GLIS3: variants seen among roughly 807,000 people sequenced by gnomAD.
GLIS3 encodes zinc finger protein GLIS3.
GLIS3 carries 53 observed loss-of-function variants against 78.6 expected under a neutral mutation model. The observed-to-expected ratio is 0.67, with a 90% CI of 0.54 to 0.85. GLIS3 has a LOEUF of 0.85. Ranked by LOEUF, GLIS3 falls within the 40% of genes least tolerant of loss-of-function variation. The pLI, the probability that GLIS3 is intolerant of heterozygous loss-of-function variation, is 0.00. For missense variants in GLIS3, 1,703 were observed against 1,231.1 expected (o/e 1.38, Z -5.74); for synonymous variants, 684 against 509.9 (o/e 1.34, Z -4.60).
At chr9:4,210,223 T>A (rs1052695760) in intron 2 of GLIS3, among the ~76,000 whole-genome samples, 1 of 152,230 alleles carries the variant, frequency 6.6e-6, no homozygotes, top group Non-Finnish European at 1.5e-5. Context: ...CATCAGAAAG[T>A]ACCTATTATG....
chr9:4,231,531 A>G (rs1438460780), intron 2 of GLIS3, among the ~76,000 whole-genome samples: 4 of 152,232 alleles, frequency 2.6e-5, no homozygotes, highest in Non-Finnish European at 5.9e-5. Flanking sequence ...AGAAAGCATG[A>G]GCAGGAGAAA....
At chr9:4,020,935 T>C (rs1822834506) in intron 4 of GLIS3, among the ~76,000 whole-genome samples, 1 of 152,094 alleles carries the variant, frequency 6.6e-6, no homozygotes, top group African/African-American at 2.4e-5. Context: ...GTTCCAAAAA[T>C]AGAGCAGCAC....
the GLIS3 span, among the ~76,000 whole-genome samples, chr9:4,474,521 T>C: frequency 1.3e-5 from 2 of 152,144 alleles, no homozygotes; most frequent in Non-Finnish European, 2.9e-5. Flanking sequence ...AAAAAATGAA[T>C]CTTCATCCAT....
At position 4,117,816 on chromosome 9, in the gene GLIS3, C is replaced by G; in HGVS notation, c.1662G>C (p.Leu554=). The G allele has an allele frequency of 6.2e-7, 1 of 1,614,142 alleles. No individual in the cohort carries two copies. The highest frequency in any genetic ancestry group is 8.5e-7 in the Non-Finnish European group (1 of 1,180,020). Residue 554 remains leucine (L), a synonymous_variant, in exon 4 of 11, where the codon CTG becomes CTC. Transcript: ENST00000381971. ...RYKPFNARYK[L]LIHMRVHSGE... Reference sequence around the variant, plus strand: ...CAGAGTGGACTCTCATGTGGATCAGCAGTTTATAGCGGGCGTTGAAGGGCT... The same window carrying G: ...CAGAGTGGACTCTCATGTGGATCAGGAGTTTATAGCGGGCGTTGAAGGGCT...
At chr9:4,250,093 A>C (rs10758585) in intron 2 of GLIS3, among the ~76,000 whole-genome samples, 1 of 152,130 alleles carries the variant, frequency 6.6e-6, no homozygotes, top group African/African-American at 2.4e-5. Context: ...TTTTTGTTGT[A>C]TCTCTGCCAG....
At chr9:3,875,422 T>A (rs140502979) in intron 8 of GLIS3, among the ~76,000 whole-genome samples, 96 of 149,858 alleles carry the variant, frequency 6.4e-4, no homozygotes, top group African/African-American at 2.3e-3. Flanking sequence ...CTTCTGACAG[T>A]GACTCAGCCC....
intron 4 of GLIS3, 140 bp downstream of exon 4, chr9:4,117,624 CCTCA>C: frequency 1.1e-6 from 1 of 892,082 alleles, no homozygotes; most frequent in South Asian, 1.3e-5. Context: ...TCTTCCCCTT[CCTCA>C]AGCTGAAGGG....
intron 8 of GLIS3, among the ~76,000 whole-genome samples, chr9:3,865,605 AAAGTAGAGGTTGC>A (rs1820524351): frequency 6.6e-6 from 1 of 152,230 alleles, no homozygotes; most frequent in Non-Finnish European, 1.5e-5. Flanking sequence ...CTATTGTAAT[AAAGTAGAGGTTGC>A]AAGAAGAGAA....
intron 2 of GLIS3, among the ~76,000 whole-genome samples, chr9:4,196,238 G>C (rs906250819): frequency 6.6e-6 from 1 of 152,204 alleles, no homozygotes; most frequent in African/African-American, 2.4e-5. Context: ...CTCAAGGTTT[G>C]TAAACACACC....
At chr9:4,390,333 C>T in the GLIS3 span, among the ~76,000 whole-genome samples, 3 of 152,066 alleles carry the variant, frequency 2.0e-5, no homozygotes, top group Non-Finnish European at 4.4e-5. Context: ...AGTCTAAACC[C>T]AGATATTGTT....
chr9:4,451,119 A>C, the GLIS3 span, among the ~76,000 whole-genome samples: 6 of 152,228 alleles, frequency 3.9e-5, no homozygotes, highest in Non-Finnish European at 7.3e-5. Flanking sequence ...ATGTGCAGAG[A>C]CATACATAGG....
chr9:4,456,076 C>T, the GLIS3 span, among the ~76,000 whole-genome samples: 2 of 152,010 alleles, frequency 1.3e-5, no homozygotes, highest in Admixed American at 1.3e-4. Flanking sequence ...CCACTGCACT[C>T]CAGCCTGGGC....
intron 2 of GLIS3, among the ~76,000 whole-genome samples, chr9:4,194,046 T>C (rs1185453415): frequency 6.6e-6 from 1 of 152,140 alleles, no homozygotes; most frequent in East Asian, 1.9e-4. Context: ...CGCTTTATTT[T>C]TATTTATTTA....
intron 4 of GLIS3, among the ~76,000 whole-genome samples, chr9:4,042,517 A>G (rs1324445728): frequency 6.6e-6 from 1 of 152,212 alleles, no homozygotes; most frequent in African/African-American, 2.4e-5. Context: ...TGAGTAGAGC[A>G]TAAAACCCCT....
intron 4 of GLIS3, among the ~76,000 whole-genome samples, chr9:4,026,728 T>C (rs931840660): frequency 3.3e-5 from 5 of 152,218 alleles, no homozygotes; most frequent in Admixed American, 1.3e-4. Context: ...TTTTAAGATA[T>C]GCATTAAAGC....
chr9:4,136,533 C>T (rs1326539572), intron 2 of GLIS3, among the ~76,000 whole-genome samples: 1 of 152,116 alleles, frequency 6.6e-6, no homozygotes, highest in African/African-American at 2.4e-5. Flanking sequence ...TCCCAGAAGA[C>T]CAAATAATAT....
At chr9:4,297,452 C>A (rs1816640975) in intron 1 of GLIS3, among the ~76,000 whole-genome samples, 1 of 152,190 alleles carries the variant, frequency 6.6e-6, no homozygotes, top group Non-Finnish European at 1.5e-5. Context: ...CGGCCCCATA[C>A]TAAAGGGACC....
chr9:4,129,430 G>T (rs1190749463), intron 2 of GLIS3, among the ~76,000 whole-genome samples: 1 of 152,162 alleles, frequency 6.6e-6, no homozygotes, highest in African/African-American at 2.4e-5. Context: ...CCAGTAGAAG[G>T]TGATTGGATC....
chr9:4,382,964 C>T, the GLIS3 span, among the ~76,000 whole-genome samples: 1 of 152,188 alleles, frequency 6.6e-6, no homozygotes, highest in African/African-American at 2.4e-5. Context: ...TACCTGGATT[C>T]ACCGATTCTG....
Sources: allele counts gnomAD v4.1 joint callset (sites outside exome capture counted in the v4.1 genomes callset), GRCh38; gene constraint gnomAD v4.1.1; transcripts MANE v1.5; gene names NCBI Gene and HGNC (gene_info 2026-07-23, HGNC 2026-07-21).